The following SLCO1B1 variants were observed in gnomAD, a reference collection of about 807,000 sequenced individuals.
SLCO1B1 encodes the protein solute carrier organic anion transporter family member 1B1, also known as OATP-2.
SLCO1B1 carries 81 observed loss-of-function variants against 70.1 expected under a neutral mutation model. The ratio of observed to expected loss-of-function variants is 1.16; its 90% CI spans 0.97 to 1.39. The LOEUF is 1.39. Ranked by LOEUF, SLCO1B1 falls within the 40% of genes most tolerant of loss-of-function variation. SLCO1B1 has a pLI of 0.00. For missense variants in SLCO1B1, 895 were observed against 799.6 expected (o/e 1.12, Z -1.44); for synonymous variants, 283 against 271.5 (o/e 1.04, Z -0.42).
At chr12:21,229,727 C>G (rs1941514733) in intron 14 of SLCO1B1, among the ~76,000 whole-genome samples, 1 of 152,112 alleles carries the variant, frequency 6.6e-6, no homozygotes, top group Non-Finnish European at 1.5e-5. Context: ...GTCCTGAAAC[C>G]TTGCAATAAT....
intron 2 of SLCO1B1, among the ~76,000 whole-genome samples, chr12:21,145,473 A>ATTTTT (rs35334634): frequency 0.018 from 1,384 of 76,088 alleles, 241 homozygotes; most frequent in South Asian, 0.044. Flanking sequence ...CATTTTTTTC[A>ATTTTT]TTTTTTTTTT....
At chr12:21,150,742 A>G (rs900687304) in intron 2 of SLCO1B1, among the ~76,000 whole-genome samples, 4 of 152,166 alleles carry the variant, frequency 2.6e-5, no homozygotes, top group African/African-American at 9.7e-5. Context: ...ATGAGGAAAA[A>G]CAAGTGCAAA....
At chr12:21,161,113 G>A (rs982221407) in intron 2 of SLCO1B1, among the ~76,000 whole-genome samples, 2 of 152,126 alleles carry the variant, frequency 1.3e-5, no homozygotes, top group South Asian at 2.1e-4. Context: ...ATTCCTCAAA[G>A]AGCTAAAACC....
At chr12:21,163,738 A>T (rs1321598364) in intron 2 of SLCO1B1, among the ~76,000 whole-genome samples, 1 of 152,148 alleles carries the variant, frequency 6.6e-6, no homozygotes, top group African/African-American at 2.4e-5. Context: ...CTCATTCATG[A>T]GGGTTCCACA....
At chr12:21,235,730 T>C (rs1941590237) in intron 14 of SLCO1B1, among the ~76,000 whole-genome samples, 1 of 152,134 alleles carries the variant, frequency 6.6e-6, no homozygotes, top group Non-Finnish European at 1.5e-5. Flanking sequence ...TTTCTAAAAC[T>C]GATCTGGTGG....
chr12:21,215,844 T>G (rs1199656647), intron 11 of SLCO1B1, among the ~76,000 whole-genome samples: 4 of 152,168 alleles, frequency 2.6e-5, no homozygotes, highest in Non-Finnish European at 5.9e-5. Flanking sequence ...GGTCTAGGGC[T>G]TTTATTGATA....
chr12:21,131,268 A>G (rs973971183), intron 1 of SLCO1B1, 32 bp downstream of exon 1: 3 of 152,096 alleles, frequency 2.0e-5, no homozygotes, highest in African/African-American at 4.8e-5. Flanking sequence ...TAATTTTTAC[A>G]TATATTTTAT....
intron 14 of SLCO1B1, among the ~76,000 whole-genome samples, chr12:21,231,625 T>C (rs1378843556): frequency 6.6e-6 from 1 of 151,924 alleles, no homozygotes; most frequent in African/African-American, 2.4e-5. Context: ...AGCACAAAGG[T>C]CTTGTATATA....
intron 11 of SLCO1B1, among the ~76,000 whole-genome samples, chr12:21,210,013 T>C (rs2121163734): frequency 6.6e-6 from 1 of 151,126 alleles, no homozygotes; most frequent in East Asian, 2.0e-4. Flanking sequence ...GTAGGTTGCC[T>C]GTTCACTCTG....
chr12:21,200,651 T>G lies in SLCO1B1; in HGVS notation c.1114T>G (p.Ser372Ala). 6.2e-7 allele frequency: 1 copy of G among 1,612,352 alleles called. No individual in the cohort carries two copies. Among genetic ancestry groups the G allele is most frequent in the Non-Finnish European group, 8.5e-7 (1 of 1,178,992 alleles). ...AGAGCAACAGTATGGTCAGCCTTCA[T>G]CTAAGGCTAACATCTTATTGGGTAA... is the stretch of plus-strand genomic sequence containing the variant. ...YVEQQYGQPS[S>A]KANILLGVIT... is the part of the protein sequence containing the mutation. Residue 372 changes from serine (S) to alanine (A), a missense_variant, in exon 9 of 15, where the codon TCT becomes GCT. By Grantham distance (99) the Ser-to-Ala change is moderately conservative (BLOSUM62 1). Coordinates refer to ENST00000256958, the MANE Select transcript of SLCO1B1 (RefSeq NM_006446.5).
intron 14 of SLCO1B1, among the ~76,000 whole-genome samples, chr12:21,237,677 G>A (rs1343634875): frequency 6.6e-6 from 1 of 151,752 alleles, no homozygotes; most frequent in Non-Finnish European, 1.5e-5. Flanking sequence ...TCCTGAATCT[G>A]TGATATAGTG....
chr12:21,192,097 C>G (rs558212889), intron 7 of SLCO1B1, among the ~76,000 whole-genome samples: 1 of 151,958 alleles, frequency 6.6e-6, no homozygotes, highest in East Asian at 1.9e-4. Context: ...CTTTGTCTGG[C>G]TTTGGTATCA....
intron 2 of SLCO1B1, among the ~76,000 whole-genome samples, chr12:21,159,669 G>T (rs1380027419): frequency 6.6e-6 from 1 of 151,978 alleles, no homozygotes; most frequent in Non-Finnish European, 1.5e-5. Flanking sequence ...AAAAACAATG[G>T]TCTATGGTCA....
intron 2 of SLCO1B1, among the ~76,000 whole-genome samples, chr12:21,157,410 C>T (rs1940556309): frequency 6.6e-6 from 1 of 152,026 alleles, no homozygotes; most frequent in Admixed American, 6.6e-5. Flanking sequence ...AAAATGTACT[C>T]CTATCTTGTG....
At chr12:21,178,514 TA>T (rs1258021293) in intron 5 of SLCO1B1, 61 bp from the exon 6 acceptor site, 2 of 1,208,644 alleles carry the variant, frequency 1.7e-6, no homozygotes, top group African/African-American at 3.0e-5. Flanking sequence ...TACAAGTAGT[TA>T]AATTTGTAAT....
At chr12:21,168,937 T>TA in intron 2 of SLCO1B1, among the ~76,000 whole-genome samples, 1 of 152,290 alleles carries the variant, frequency 6.6e-6, no homozygotes, top group Non-Finnish European at 1.5e-5. Flanking sequence ...TATCACATTT[T>TA]AAAAATTGCC....
At chr12:21,224,966 C>A in intron 14 of SLCO1B1, 127 bp downstream of exon 14, 1 of 576,172 alleles carries the variant, frequency 1.7e-6, no homozygotes. Flanking sequence ...ACTTTGCATG[C>A]AGTATGGTAT....
chr12:21,202,282 C>A (rs991810143), intron 9 of SLCO1B1, among the ~76,000 whole-genome samples: 2 of 151,994 alleles, frequency 1.3e-5, no homozygotes, highest in Non-Finnish European at 2.9e-5. Flanking sequence ...ACCTAGATGA[C>A]AGTTTGATAG....
intron 2 of SLCO1B1, among the ~76,000 whole-genome samples, chr12:21,169,313 AT>A (rs2121092495): frequency 6.6e-6 from 1 of 152,246 alleles, no homozygotes; most frequent in Non-Finnish European, 1.5e-5. Context: ...GGGGTCCATA[AT>A]TTACAAGTTT....
Sources: allele counts gnomAD v4.1 joint callset (sites outside exome capture counted in the v4.1 genomes callset), GRCh38; gene constraint gnomAD v4.1.1; transcripts MANE v1.5; gene names NCBI Gene and HGNC (gene_info 2026-07-23, HGNC 2026-07-21).